GALNT17: variants seen among roughly 807,000 people sequenced by gnomAD.
GALNT17 encodes the protein polypeptide N-acetylgalactosaminyltransferase 17, also known as UDP-GalNAc:polypeptide N-acetylgalactosaminyltransferase-like 3.
A neutral mutation model predicts 63.7 loss-of-function variants in GALNT17; 29 were observed. That is an observed-to-expected ratio of 0.46 (90% CI 0.34 to 0.62). The LOEUF (loss-of-function observed/expected upper bound fraction) is 0.62. GALNT17 is among the 20% of genes least tolerant of loss of function. The pLI is 0.01. For missense variants in GALNT17, 603 were observed against 799.6 expected, an observed-to-expected ratio of 0.75 and a Z score of 2.97; for synonymous variants, 305 against 318.3, an observed-to-expected ratio of 0.96 and a Z score of 0.45.
chr7:71,517,853 G>A (rs1788469116), intron 5 of GALNT17, among the ~76,000 whole-genome samples: 1 of 152,178 alleles, frequency 6.6e-6, no homozygotes, highest in Admixed American at 6.6e-5. Context: ...CTGAGCCTGT[G>A]ATGAAAGTTA....
At chr7:71,195,403 A>G (rs1344877943) in intron 1 of GALNT17, among the ~76,000 whole-genome samples, 1 of 135,710 alleles carries the variant, frequency 7.4e-6, no homozygotes, top group African/African-American at 2.8e-5. Flanking sequence ...TTTTGTAGAG[A>G]TGGGGTCTCA....
chr7:71,435,170 T>A (rs540667052), intron 5 of GALNT17, among the ~76,000 whole-genome samples: 73 of 151,998 alleles, frequency 4.8e-4, no homozygotes, highest in South Asian at 2.5e-3. Flanking sequence ...TACAGAAAAA[T>A]TTTTAAAATT....
intron 2 of GALNT17, among the ~76,000 whole-genome samples, chr7:71,349,898 C>T (rs1442311005): frequency 1.3e-5 from 2 of 152,178 alleles, no homozygotes; most frequent in African/African-American, 4.8e-5. Context: ...GACTTATCTT[C>T]ATTGTGATGA....
chr7:71,501,938 A>G (rs1288343844), intron 5 of GALNT17, among the ~76,000 whole-genome samples: 2 of 151,792 alleles, frequency 1.3e-5, no homozygotes, highest in Non-Finnish European at 2.9e-5. Flanking sequence ...CTCCCATTTC[A>G]CTAGAGAAGC....
intron 6 of GALNT17, among the ~76,000 whole-genome samples, chr7:71,576,227 A>T (rs1789534860): frequency 6.6e-6 from 1 of 152,218 alleles, no homozygotes; most frequent in African/African-American, 2.4e-5. Context: ...AGGGAGACAC[A>T]CTTTCAGATC....
chr7:71,704,488 CTTT>C (rs34146294), intron 9 of GALNT17, among the ~76,000 whole-genome samples: 3 of 141,400 alleles, frequency 2.1e-5, no homozygotes, highest in Non-Finnish European at 4.6e-5. Flanking sequence ...TGCCAACTGC[CTTT>C]TTTTTTTTTT....
intron 6 of GALNT17, among the ~76,000 whole-genome samples, chr7:71,587,278 T>C (rs998248451): frequency 1.7e-4 from 26 of 152,184 alleles, no homozygotes; most frequent in African/African-American, 6.3e-4. Context: ...TCCGCCTGCC[T>C]CAGCCTCCAA....
chr7:71,240,468 C>T (rs6974582), intron 1 of GALNT17, among the ~76,000 whole-genome samples: 83,150 of 151,742 alleles, frequency 0.55, 23,760 homozygotes, highest in East Asian at 0.81. Flanking sequence ...GTTGTTCTCA[C>T]CTGTTAAGTC....
chr7:71,660,066 A>G (rs1790884002), intron 6 of GALNT17, among the ~76,000 whole-genome samples: 1 of 152,122 alleles, frequency 6.6e-6, no homozygotes, highest in Admixed American at 6.5e-5. Context: ...TATCCACTTC[A>G]TGACAGCAAG....
rs996641739 is a variant in GALNT17 at position 71,708,656 on chromosome 7, C to T, written c.1501-2105C>T. 2.5e-4 allele frequency among the ~76,000 whole-genome samples: 38 copies of T among 152,272 alleles called. 1 individual carries two copies. The highest frequency in any genetic ancestry group is 1.8e-3 in the Admixed American group (27 of 15,288). On this transcript the variant is annotated intron_variant, in intron 9 of 10. Transcript: ENST00000333538. ...GTTTGGGGTATGCTTGAAATCGTCA[C>T]CCAGGTAGTAAGCATAATACCCAAT...
At chr7:71,565,851 T>C in intron 5 of GALNT17, among the ~76,000 whole-genome samples, 1 of 150,848 alleles carries the variant, frequency 6.6e-6, no homozygotes, top group Non-Finnish European at 1.5e-5. Flanking sequence ...TTTTCTTTTT[T>C]TTTTTTTTTT....
intron 1 of GALNT17, among the ~76,000 whole-genome samples, chr7:71,263,370 CA>C (rs148312106): frequency 0.017 from 2,620 of 152,020 alleles, 32 homozygotes; most frequent in Non-Finnish European, 0.028. Flanking sequence ...CAAAACAAAA[CA>C]AAAAAACAAG....
chr7:71,654,700 G>A (rs369464073), intron 6 of GALNT17, among the ~76,000 whole-genome samples: 17 of 123,568 alleles, frequency 1.4e-4, no homozygotes, highest in Non-Finnish European at 3.2e-4. Context: ...TTTAACTTCA[G>A]GTATCTATGT....
At chr7:71,690,137 G>A (rs150267144) in intron 9 of GALNT17, among the ~76,000 whole-genome samples, 172 of 150,996 alleles carry the variant, frequency 1.1e-3, no homozygotes, top group African/African-American at 3.6e-3. Flanking sequence ...CGAGTCTCCC[G>A]CCTCAGCCTC....
chr7:71,306,159 G>C (rs922916741), intron 1 of GALNT17, among the ~76,000 whole-genome samples: 1 of 152,208 alleles, frequency 6.6e-6, no homozygotes, highest in Non-Finnish European at 1.5e-5. Context: ...GGCAGAAATA[G>C]CAGTGAGCCA....
At chr7:71,265,708 G>A (rs907129549) in intron 1 of GALNT17, among the ~76,000 whole-genome samples, 14 of 152,200 alleles carry the variant, frequency 9.2e-5, no homozygotes, top group Non-Finnish European at 1.6e-4. Context: ...GATTTAAGGA[G>A]ATAAGTGTGG....
chr7:71,155,316 C>G (rs926854828), intron 1 of GALNT17, among the ~76,000 whole-genome samples: 7 of 151,722 alleles, frequency 4.6e-5, no homozygotes, highest in African/African-American at 1.7e-4. Context: ...CTCCGTTGCC[C>G]AGGCTGGAGT....
intron 9 of GALNT17, among the ~76,000 whole-genome samples, chr7:71,677,774 C>T (rs1791175933): frequency 6.6e-6 from 1 of 152,108 alleles, no homozygotes; most frequent in Admixed American, 6.6e-5. Flanking sequence ...CTCGGCCTCC[C>T]AAAGTGCTGG....
chr7:71,419,146 G>A (rs568178349), intron 4 of GALNT17, among the ~76,000 whole-genome samples: 5 of 152,250 alleles, frequency 3.3e-5, no homozygotes, highest in South Asian at 2.1e-4. Flanking sequence ...TGACTCTTTC[G>A]CTGCTGATAG....
Sources: gnomAD v4.1 joint callset for allele counts (sites outside exome capture counted in the v4.1 genomes callset) on GRCh38, gnomAD v4.1.1 for gene constraint, MANE v1.5 for transcripts, NCBI Gene and HGNC (gene_info 2026-07-23, HGNC 2026-07-21) for gene names.